Variants in CEACAM21 observed in about 807,000 individuals in gnomAD.
CEACAM21 encodes the protein cell adhesion molecule CEACAM21.
A neutral mutation model predicts 33.2 loss-of-function variants in CEACAM21; 38 were observed. The observed-to-expected ratio is 1.14, with a 90% CI of 0.88 to 1.50. The LOEUF is 1.50. Among genes scored for constraint, CEACAM21 ranks in the 40% most tolerant of loss-of-function variants. The probability of loss-of-function intolerance (pLI) is 0.00; values close to 1 mark genes in which losing one functional copy is unlikely to be tolerated. For missense variants in CEACAM21, 385 were observed against 364.6 expected, an observed-to-expected ratio of 1.06 and a Z score of -0.46; for synonymous variants, 156 against 143.0, an observed-to-expected ratio of 1.09 and a Z score of -0.65.
chr19:41,558,530 C>G (rs781992034), intron 1 of CEACAM21, among the ~76,000 whole-genome samples: 13 of 152,156 alleles, frequency 8.5e-5, no homozygotes, highest in African/African-American at 2.7e-4. Flanking sequence ...GCCTGTAGTC[C>G]CAGCTACTCT....
intron 1 of CEACAM21, among the ~76,000 whole-genome samples, chr19:41,552,487 C>T (rs950680932): frequency 6.6e-6 from 1 of 152,210 alleles, no homozygotes; most frequent in Non-Finnish European, 1.5e-5. Context: ...TAGAAAGGCG[C>T]TGGCACTTTC....
At chr19:41,565,376 G>A (rs2042185639) in intron 2 of CEACAM21, among the ~76,000 whole-genome samples, 2 of 152,160 alleles carry the variant, frequency 1.3e-5, no homozygotes, top group South Asian at 4.1e-4. Flanking sequence ...CCAGCCCGGG[G>A]GATCAGCCCT....
intron 3 of CEACAM21, among the ~76,000 whole-genome samples, chr19:41,582,612 C>T (rs1325112831): frequency 2.6e-5 from 4 of 152,238 alleles, no homozygotes; most frequent in African/African-American, 9.6e-5. Flanking sequence ...CTTCTGTGCA[C>T]CTGCAGGCTC....
At chr19:41,568,119 A>G (rs1399731588) in intron 2 of CEACAM21, among the ~76,000 whole-genome samples, 1 of 152,102 alleles carries the variant, frequency 6.6e-6, no homozygotes, top group Non-Finnish European at 1.5e-5. Flanking sequence ...ATAAAACTAT[A>G]CAGAAACATA....
intron 4 of CEACAM21, among the ~76,000 whole-genome samples, chr19:41,584,686 C>T (rs1333068030): frequency 1.3e-5 from 2 of 152,174 alleles, no homozygotes; most frequent in Admixed American, 1.3e-4. Flanking sequence ...GTCCTAGTTT[C>T]CTAGCACAGC....
At chr19:41,575,895 C>T (rs554603687), upstream of CEACAM21, among the ~76,000 whole-genome samples, 2 of 152,250 alleles carry the variant, frequency 1.3e-5, no homozygotes, top group Admixed American at 6.5e-5. Context: ...TTTTGTGTGT[C>T]ACAAAGGGAA....
At chr19:41,584,317 G>A in intron 3 of CEACAM21, 30 bp from the exon 4 acceptor site, 3 of 1,586,020 alleles carry the variant, frequency 1.9e-6, no homozygotes, top group Non-Finnish European at 2.6e-6. Context: ...AACAGATTTG[G>A]ACCTCATCCC....
chr19:41,559,318 C>T (rs748378615), intron 1 of CEACAM21, among the ~76,000 whole-genome samples: 1 of 152,086 alleles, frequency 6.6e-6, no homozygotes, highest in Non-Finnish European at 1.5e-5. Flanking sequence ...TCAAATAAAA[C>T]ATCATGGATT....
intron 1 of CEACAM21, chr19:41,551,897 C>CA (rs764131268): frequency 2.6e-5 from 4 of 152,132 alleles, no homozygotes; most frequent in Non-Finnish European, 5.9e-5. Context: ...GCTCTACCGC[C>CA]AGGCAGGAAG....
At position 41,576,247 on chromosome 19, in the gene CEACAM21, G is replaced by A. The variant is rs782317480; in HGVS notation, c.-28G>A. 1 of 1,613,766 alleles carries A rather than the reference G, an allele frequency of 6.2e-7. No individual in the cohort carries two copies. The highest frequency in any genetic ancestry group is 1.7e-5 in the Admixed American group (1 of 59,994). On this transcript the variant is annotated 5_prime_UTR_variant, in exon 1 of 7. Transcript: ENST00000401445. ...CCTGGAGCCCAAGCTCCTCTCCACAGAGGAGGACAGAGCAGGCAGCAGAGA... is the reference window on the plus strand; with the variant it reads ...CCTGGAGCCCAAGCTCCTCTCCACAAAGGAGGACAGAGCAGGCAGCAGAGA...
chr19:41,579,233 C>T (rs1464359684), intron 2 of CEACAM21, 120 bp from the exon 3 acceptor site: 1 of 1,530,972 alleles, frequency 6.5e-7, no homozygotes, highest in Middle Eastern at 1.7e-4. Context: ...GTTCTCTCTG[C>T]TCCTCCCTGT....
chr19:41,551,016 T>C (rs1289655678), intron 1 of CEACAM21, among the ~76,000 whole-genome samples: 1 of 152,224 alleles, frequency 6.6e-6, no homozygotes, highest in Non-Finnish European at 1.5e-5. Context: ...TCTTGTGATC[T>C]CAGCAATGCC....
intron 3 of CEACAM21, among the ~76,000 whole-genome samples, chr19:41,579,873 A>G (rs1289861449): frequency 2.0e-5 from 3 of 152,194 alleles, no homozygotes; most frequent in Non-Finnish European, 4.4e-5. Context: ...TAGAATTGTT[A>G]CAAACACCTG....
intron 1 of CEACAM21, among the ~76,000 whole-genome samples, chr19:41,557,846 C>A (rs1312924091): frequency 1.3e-5 from 2 of 152,120 alleles, no homozygotes; most frequent in African/African-American, 4.8e-5. Context: ...CATTTGATCC[C>A]TCTACTTGGT....
chr19:41,559,940 C>A (rs1446454299), intron 1 of CEACAM21, among the ~76,000 whole-genome samples: 5 of 152,108 alleles, frequency 3.3e-5, no homozygotes, highest in African/African-American at 7.2e-5. Context: ...GGCCTGTGAA[C>A]AACGTTGCAT....
chr19:41,552,955 A>G (rs1555784775), intron 1 of CEACAM21, among the ~76,000 whole-genome samples: 1 of 149,242 alleles, frequency 6.7e-6, no homozygotes, highest in Admixed American at 6.6e-5. Context: ...GGGAAAGAAA[A>G]AGGAAACAAA....
upstream of CEACAM21, among the ~76,000 whole-genome samples, chr19:41,573,923 G>T (rs2042767390): frequency 6.6e-6 from 1 of 152,132 alleles, no homozygotes; most frequent in African/African-American, 2.4e-5. Context: ...AAAATTGGAG[G>T]ACTCACTTCC....
chr19:41,562,752 A>G (rs1439553748), intron 1 of CEACAM21, among the ~76,000 whole-genome samples: 2 of 151,344 alleles, frequency 1.3e-5, no homozygotes, highest in African/African-American at 4.9e-5. Flanking sequence ...TTTTGGAGAC[A>G]GAGTCTGGCG....
chr19:41,580,313 G>C (rs533378143), intron 3 of CEACAM21, among the ~76,000 whole-genome samples: 3 of 151,990 alleles, frequency 2.0e-5, no homozygotes, highest in Non-Finnish European at 2.9e-5. Context: ...AATGTGATGG[G>C]GGGGGGTTTC....
Sources: gnomAD v4.1 joint callset for allele counts (sites outside exome capture counted in the v4.1 genomes callset) on GRCh38, gnomAD v4.1.1 for gene constraint, MANE v1.5 for transcripts, NCBI Gene and HGNC (gene_info 2026-07-23, HGNC 2026-07-21) for gene names.